CCDC144A: variants seen among roughly 807,000 people sequenced by gnomAD.
CCDC144A encodes the protein coiled-coil domain-containing protein 144A.
In CCDC144A, 41 loss-of-function variants were observed where a neutral mutation model predicts 143.8. The ratio of observed to expected loss-of-function variants is 0.29; its 90% CI spans 0.22 to 0.37. The LOEUF (loss-of-function observed/expected upper bound fraction) is 0.37. Ranked by LOEUF, CCDC144A falls within the 10% of genes least tolerant of loss-of-function variation. The pLI is 1.00. For synonymous variants in CCDC144A, 242 were observed against 517.9 expected (o/e 0.47, Z 7.23); for missense variants, 637 against 1,488.8 (o/e 0.43, Z 9.41).
intron 15 of CCDC144A, among the ~76,000 whole-genome samples, chr17:16,768,675 T>C (rs1915706016): frequency 6.6e-6 from 1 of 152,242 alleles, no homozygotes; most frequent in Non-Finnish European, 1.5e-5. Context: ...TGGCTCCTTA[T>C]TTTCCAGCCT....
intron 6 of CCDC144A, among the ~76,000 whole-genome samples, chr17:16,718,359 T>C (rs1321431990): frequency 6.6e-6 from 1 of 152,050 alleles, no homozygotes; most frequent in African/African-American, 2.4e-5. Flanking sequence ...AGTGTGTTTG[T>C]ATGCTGCTGG....
chr17:16,707,583 A>T, intron 4 of CCDC144A, 41 bp downstream of exon 4: 2 of 1,339,042 alleles, frequency 1.5e-6, no homozygotes, highest in East Asian at 4.7e-5. Context: ...TTCTGGTTTA[A>T]TACTCTTTTC....
chr17:16,723,675 A>G (rs1186698347), intron 8 of CCDC144A, among the ~76,000 whole-genome samples: 1 of 152,108 alleles, frequency 6.6e-6, no homozygotes, highest in Non-Finnish European at 1.5e-5. Context: ...AGAACAGGTG[A>G]ATGAGCCCTC....
chr17:16,760,323 ACAAT>A (rs1340275840), intron 12 of CCDC144A, among the ~76,000 whole-genome samples: 2 of 149,568 alleles, frequency 1.3e-5, no homozygotes, highest in African/African-American at 5.1e-5. Flanking sequence ...AAAATAAAAA[ACAAT>A]CATAATTATT....
chr17:16,707,373 A>C, intron 3 of CCDC144A, 96 bp from the exon 4 acceptor site: 1 of 660,384 alleles, frequency 1.5e-6, no homozygotes. Flanking sequence ...CAATTTATGA[A>C]ATAAAATGAA....
At chr17:16,739,575 A>C (rs1033924755) in intron 12 of CCDC144A, among the ~76,000 whole-genome samples, 5 of 147,328 alleles carry the variant, frequency 3.4e-5, no homozygotes, top group Non-Finnish European at 7.5e-5. Flanking sequence ...CTATTTTGTT[A>C]CTTTTAGGTA....
upstream of CCDC144A, among the ~76,000 whole-genome samples, chr17:16,686,468 G>C (rs1318766267): frequency 2.0e-5 from 3 of 151,744 alleles, no homozygotes; most frequent in Non-Finnish European, 2.9e-5. Context: ...TTTGTTGCCA[G>C]TGGGTGTGCA....
upstream of CCDC144A, among the ~76,000 whole-genome samples, chr17:16,685,989 T>C (rs2142732535): frequency 6.9e-6 from 1 of 145,638 alleles, no homozygotes; most frequent in East Asian, 2.1e-4. Flanking sequence ...ATCATGTTGC[T>C]CCTGCTGGTC....
chr17:16,729,616 CGTGATCT>C (rs1388206946), intron 9 of CCDC144A, among the ~76,000 whole-genome samples: 1 of 151,916 alleles, frequency 6.6e-6, no homozygotes, highest in Non-Finnish European at 1.5e-5. Flanking sequence ...AGTATAATGG[CGTGATCT>C]CGGCTCATGG....
chr17:16,753,737 G>A (rs1264086481), intron 12 of CCDC144A, among the ~76,000 whole-genome samples: 1 of 152,112 alleles, frequency 6.6e-6, no homozygotes, highest in African/African-American at 2.4e-5. Context: ...TTGACTTTCT[G>A]TTTTCCAATC....
intron 2 of CCDC144A, among the ~76,000 whole-genome samples, chr17:16,697,660 TTTTAC>T (rs1262833960): frequency 1.3e-5 from 2 of 152,226 alleles, no homozygotes; most frequent in Admixed American, 6.5e-5. Flanking sequence ...TTTTCATTTA[TTTTAC>T]TTAAACTTTT....
chr17:16,704,181 C>T (rs1391942423), intron 2 of CCDC144A, among the ~76,000 whole-genome samples: 5 of 152,012 alleles, frequency 3.3e-5, no homozygotes, highest in African/African-American at 4.8e-5. Context: ...AGGCCGGGCG[C>T]GGTGGCTCAC....
At chr17:16,733,819 A>G (rs1913866922) in intron 11 of CCDC144A, among the ~76,000 whole-genome samples, 2 of 152,324 alleles carry the variant, frequency 1.3e-5, no homozygotes, top group African/African-American at 4.8e-5. Context: ...TTGTGTATAA[A>G]TGAGTTCAGT....
At chr17:16,672,301 C>T in the CCDC144A span, among the ~76,000 whole-genome samples, 2 of 151,814 alleles carry the variant, frequency 1.3e-5, no homozygotes, top group Non-Finnish European at 2.9e-5. Flanking sequence ...ACATGTCGGC[C>T]GGGCACAGTG....
the CCDC144A span, among the ~76,000 whole-genome samples, chr17:16,682,393 A>T: frequency 6.6e-6 from 1 of 152,112 alleles, no homozygotes; most frequent in African/African-American, 2.4e-5. Context: ...TGGAGGCTCC[A>T]TGTGGACCTT....
the CCDC144A span, among the ~76,000 whole-genome samples, chr17:16,675,939 G>A: frequency 6.6e-6 from 1 of 151,330 alleles, no homozygotes. Context: ...CAGTAGAGAC[G>A]GGGTTTCACC....
chr17:16,729,963 C>CATATATATATATATATATATAT (rs59756018), intron 9 of CCDC144A, among the ~76,000 whole-genome samples: 205 of 93,918 alleles, frequency 2.2e-3, no homozygotes, highest in South Asian at 3.8e-3. Context: ...TAGGTAGTTT[C>CATATATATATATATATATATAT]ATATATATAT....
upstream of CCDC144A, among the ~76,000 whole-genome samples, chr17:16,684,701 A>G (rs1718949268): frequency 6.6e-6 from 1 of 152,030 alleles, no homozygotes; most frequent in African/African-American, 2.4e-5. Flanking sequence ...TCAGTGGTCC[A>G]CATCTGTAAC....
rs565622453 is a variant in CCDC144A at position 16,750,598 on chromosome 17, T to C, written c.3373-10827T>C. 1.8e-4 allele frequency among the ~76,000 whole-genome samples: 27 copies of C among 151,986 alleles called. 1 individual carries two copies. Among genetic ancestry groups the C allele is most frequent in the African/African-American group, 5.8e-4 (24 of 41,264 alleles). The stretch of plus-strand genomic sequence containing the variant: ...TTTTCCATCGACCTCTGTAATGAGA[T>C]TGGGGAAATTTCATGGACTATATCC... On this transcript the variant is annotated intron_variant, in intron 12 of 16. Coordinates refer to ENST00000399273, the MANE Select transcript of CCDC144A (RefSeq NM_001382000.1).
Sources: allele counts gnomAD v4.1 joint callset (sites outside exome capture counted in the v4.1 genomes callset), GRCh38; gene constraint gnomAD v4.1.1; transcripts MANE v1.5; gene names NCBI Gene and HGNC (gene_info 2026-07-23, HGNC 2026-07-21).